The following PARP4 variants were observed in gnomAD, a reference collection of about 807,000 sequenced individuals.
PARP4 encodes poly(ADP-ribose) polymerase family member 4.
A neutral mutation model predicts 187.7 loss-of-function variants in PARP4; 120 were observed. The ratio of observed to expected loss-of-function variants is 0.64; its 90% CI spans 0.55 to 0.74. PARP4 has a LOEUF of 0.74. Among genes scored for constraint, PARP4 ranks in the 30% least tolerant of loss-of-function variants. The pLI, the probability that PARP4 is intolerant of heterozygous loss-of-function variation, is 0.00. For missense variants in PARP4, 1,836 were observed against 2,070.5 expected (o/e 0.89, Z 2.20); for synonymous variants, 654 against 740.9 (o/e 0.88, Z 1.90).
rs772988685 is a variant in PARP4 at position 24,498,098 on chromosome 13, C to A, written c.591+18G>T. 6.6e-7 allele frequency: 1 copy of A among 1,522,940 alleles called. No individual in the cohort carries two copies. The highest frequency in any genetic ancestry group is 9.1e-7 in the Non-Finnish European group (1 of 1,097,306). 94.3% of individuals were successfully genotyped at this position (1,522,940 alleles called of 1,614,324 possible). A position where few individuals can be genotyped will look rare whatever the true frequency, so the allele number is the denominator to read the frequency against. On this transcript the variant is annotated intron_variant, in intron 6 of 33. Transcript: ENST00000381989. The stretch of plus-strand genomic sequence containing the variant: ...CAGAGGTCAGTAAACACATAGGAAT[C>A]AATATAAACAGCATTACCTCCATGC...
chr13:24,493,544 T>C, intron 8 of PARP4, 52 bp downstream of exon 8: 1 of 1,571,628 alleles, frequency 6.4e-7, no homozygotes, highest in East Asian at 2.3e-5. Flanking sequence ...CTGAAGCCAA[T>C]CAACCAGGAG....
At chr13:24,458,932 G>A in intron 20 of PARP4, 112 bp downstream of exon 20, 2 of 753,394 alleles carry the variant, frequency 2.7e-6, no homozygotes, top group Non-Finnish European at 4.6e-6. Flanking sequence ...AGTGCTTCTT[G>A]TTAGAAGTTT....
intron 12 of PARP4, among the ~76,000 whole-genome samples, chr13:24,479,012 G>A (rs918099154): frequency 3.9e-5 from 6 of 152,122 alleles, no homozygotes. Context: ...ACTGGTCAAA[G>A]GGAAAGACAA....
chr13:24,463,109 T>C lies in PARP4; in HGVS notation c.2134-2973A>G, dbSNP rs190788268. Among the ~76,000 whole-genome samples the C allele has an allele frequency of 3.3e-5, 5 of 152,136 alleles. 1 individual carries two copies. On this transcript the variant is annotated intron_variant, in intron 17 of 33. Transcript: ENST00000381989. ...TAGTCAAACCACTGAAAACCAAAGA[T>C]AAAGAGAATCTTGAAGATAGCTTGA...
At chr13:24,441,766 G>A in intron 30 of PARP4, 80 bp downstream of exon 30, 1 of 1,280,556 alleles carries the variant, frequency 7.8e-7, no homozygotes, top group Non-Finnish European at 1.1e-6. Flanking sequence ...TAAGAAGGGA[G>A]CTATTTTAGC....
At chr13:24,433,608 T>C (rs374087226) in intron 31 of PARP4, among the ~76,000 whole-genome samples, 1 of 152,178 alleles carries the variant, frequency 6.6e-6, no homozygotes, top group Non-Finnish European at 1.5e-5. Flanking sequence ...TGGCAGGCTT[T>C]TGGGTGCACT....
At chr13:24,450,928 T>G (rs1426071505) in intron 24 of PARP4, among the ~76,000 whole-genome samples, 5 of 151,926 alleles carry the variant, frequency 3.3e-5, no homozygotes, top group African/African-American at 1.2e-4. Context: ...CAAGCTGGAG[T>G]GCAACTGCCT....
intron 9 of PARP4, 54 bp downstream of exon 9, chr13:24,492,367 C>A: frequency 3.3e-6 from 4 of 1,229,684 alleles, no homozygotes; most frequent in Middle Eastern, 2.1e-4. Context: ...TTCTAAAGAC[C>A]CCCACCCTCA....
intron 3 of PARP4, among the ~76,000 whole-genome samples, chr13:24,501,335 C>A (rs1442005872): frequency 2.6e-5 from 4 of 152,286 alleles, no homozygotes; most frequent in African/African-American, 4.8e-5. Flanking sequence ...GTAGTAATCA[C>A]TGTTTAACAC....
intron 1 of PARP4, among the ~76,000 whole-genome samples, chr13:24,510,727 G>GAAGATAAAA (rs1326638590): frequency 0.03 from 4,534 of 152,094 alleles, 222 homozygotes; most frequent in African/African-American, 0.098. Flanking sequence ...TTGTGGTACA[G>GAAGATAAAA]TTTTTAAAAC....
At chr13:24,460,592 CT>C (rs781540551) in intron 17 of PARP4, among the ~76,000 whole-genome samples, 1 of 152,024 alleles carries the variant, frequency 6.6e-6, no homozygotes, top group Non-Finnish European at 1.5e-5. Flanking sequence ...CCCAACACCA[CT>C]TTTGCCAGCA....
chr13:24,430,939 C>T (rs1387164664), intron 32 of PARP4, among the ~76,000 whole-genome samples: 1 of 152,176 alleles, frequency 6.6e-6, no homozygotes, highest in Non-Finnish European at 1.5e-5. Context: ...GGGGATGATG[C>T]CAGGGTAATC....
chr13:24,484,041 T>G (rs1281962363), intron 12 of PARP4, among the ~76,000 whole-genome samples: 1 of 152,222 alleles, frequency 6.6e-6, no homozygotes. Context: ...TCTTGGATCA[T>G]TATCCTTTGT....
chr13:24,445,856 C>T (rs1459998058), intron 27 of PARP4, among the ~76,000 whole-genome samples: 1 of 152,140 alleles, frequency 6.6e-6, no homozygotes, highest in Non-Finnish European at 1.5e-5. Flanking sequence ...TGGAATCAGT[C>T]TTGTGGGACT....
chr13:24,483,408 C>T (rs191798892), intron 12 of PARP4, among the ~76,000 whole-genome samples: 1,955 of 127,692 alleles, frequency 0.015, 50 homozygotes, highest in Non-Finnish European at 0.023. Flanking sequence ...ATGGCGTGAA[C>T]CCGGGAAGCG....
At chr13:24,460,809 G>A (rs1566001946) in intron 17 of PARP4, among the ~76,000 whole-genome samples, 1 of 152,056 alleles carries the variant, frequency 6.6e-6, no homozygotes. Flanking sequence ...TTAAGTAGAT[G>A]GGACTACAGG....
intron 20 of PARP4, among the ~76,000 whole-genome samples, chr13:24,457,454 G>T (rs1170959015): frequency 6.6e-6 from 1 of 152,112 alleles, no homozygotes; most frequent in African/African-American, 2.4e-5. Flanking sequence ...CATGCAACGG[G>T]CCTGGCACTC....
In PARP4 at chr13:24,484,764, C is replaced by T. The variant is rs761403375; in HGVS notation, c.1353-16G>A. ...AAGCAACCCTCTGAAAAGAGAAGGG[C>T]AGGATAAGGTGTAAGCCCAACACTG... is the stretch of plus-strand genomic sequence containing the variant. On this transcript the variant is annotated splice_polypyrimidine_tract_variant and intron_variant, in intron 11 of 33. Coordinates refer to ENST00000381989, the MANE Select transcript of PARP4 (RefSeq NM_006437.4). 4 of 1,486,386 alleles carry T rather than the reference C, an allele frequency of 2.7e-6. No homozygotes were observed. In the South Asian group the frequency reaches 4.5e-5, roughly 17 times the overall value. 92.1% of individuals were successfully genotyped at this position (1,486,386 alleles called of 1,614,324 possible).
intron 6 of PARP4, among the ~76,000 whole-genome samples, chr13:24,497,798 G>A (rs1486045666): frequency 6.6e-6 from 1 of 152,176 alleles, no homozygotes. Flanking sequence ...CTATCCTCAT[G>A]TGTAGAGATG....
Sources: gnomAD v4.1 joint callset for allele counts (sites outside exome capture counted in the v4.1 genomes callset) on GRCh38, gnomAD v4.1.1 for gene constraint, MANE v1.5 for transcripts, NCBI Gene and HGNC (gene_info 2026-07-23, HGNC 2026-07-21) for gene names.